MARK3: variants seen among roughly 807,000 people sequenced by gnomAD.
MARK3 encodes the protein microtubule affinity regulating kinase 3.
In MARK3, 46 loss-of-function variants were observed where a neutral mutation model predicts 90.1. The ratio of observed to expected loss-of-function variants is 0.51; its 90% CI spans 0.40 to 0.65. MARK3 has a LOEUF of 0.65. Among genes scored for constraint, MARK3 ranks in the 30% least tolerant of loss-of-function variants. The probability of loss-of-function intolerance (pLI) is 0.00; values close to 1 mark genes in which losing one functional copy is unlikely to be tolerated. For synonymous variants in MARK3, 321 were observed against 332.6 expected (o/e 0.97, Z 0.38); for missense variants, 818 against 947.2 (o/e 0.86, Z 1.79).
At chr14:103,487,935 C>T (rs2141971876) in intron 14 of MARK3, among the ~76,000 whole-genome samples, 1 of 152,044 alleles carries the variant, frequency 6.6e-6, no homozygotes, top group South Asian at 2.1e-4. Context: ...GTAGTCCCAG[C>T]TACTTGGGAG....
At chr14:103,422,432 G>A (rs1479270824) in intron 2 of MARK3, among the ~76,000 whole-genome samples, 3 of 152,156 alleles carry the variant, frequency 2.0e-5, no homozygotes, top group African/African-American at 7.2e-5. Flanking sequence ...TCCAGCCTGG[G>A]CGATAGAGCA....
intron 2 of MARK3, among the ~76,000 whole-genome samples, chr14:103,408,195 G>C (rs548626530): frequency 6.6e-6 from 1 of 151,974 alleles, no homozygotes; most frequent in African/African-American, 2.4e-5. Context: ...TGGCGGGGGG[G>C]AGGTGGTGTT....
At chr14:103,478,722 A>G (rs2093764192) in intron 13 of MARK3, among the ~76,000 whole-genome samples, 1 of 151,972 alleles carries the variant, frequency 6.6e-6, no homozygotes, top group Non-Finnish European at 1.5e-5. Flanking sequence ...TATTTTTAGT[A>G]GAGACGGGGT....
intron 1 of MARK3, among the ~76,000 whole-genome samples, chr14:103,391,303 G>A (rs1280851946): frequency 2.6e-5 from 4 of 152,174 alleles, no homozygotes; most frequent in African/African-American, 7.2e-5. Flanking sequence ...ACTCAACAGC[G>A]CAGCTCAGTG....
chr14:103,478,044 C>T (rs945551078), intron 13 of MARK3, among the ~76,000 whole-genome samples: 8 of 150,362 alleles, frequency 5.3e-5, no homozygotes, highest in Middle Eastern at 3.5e-3. Flanking sequence ...CGCCTGTAAT[C>T]CCAGCACTTT....
At chr14:103,460,589 C>G (rs1473837818) in intron 6 of MARK3, among the ~76,000 whole-genome samples, 3 of 152,122 alleles carry the variant, frequency 2.0e-5, no homozygotes, top group African/African-American at 4.8e-5. Flanking sequence ...ATTGTGGCAT[C>G]AGGTTAGCTT....
At chr14:103,411,785 G>C (rs1447623706) in intron 2 of MARK3, among the ~76,000 whole-genome samples, 1 of 151,928 alleles carries the variant, frequency 6.6e-6, no homozygotes, top group Non-Finnish European at 1.5e-5. Context: ...ACCACGCCCA[G>C]CTAATTTTTG....
chr14:103,435,729 G>A (rs903846657), intron 3 of MARK3, among the ~76,000 whole-genome samples: 1 of 149,388 alleles, frequency 6.7e-6, no homozygotes, highest in African/African-American at 2.5e-5. Context: ...TATTGATTGA[G>A]TGATTGATTG....
intron 1 of MARK3, among the ~76,000 whole-genome samples, chr14:103,399,386 TAAAC>T (rs2090792815): frequency 6.6e-6 from 1 of 152,144 alleles, no homozygotes; most frequent in Admixed American, 6.5e-5. Flanking sequence ...CACAGTGCCC[TAAAC>T]AAATAGGGGG....
Position 103,468,314 on chromosome 14 carries a change from C to CTTCTTTTTTTTT in MARK3, c.1264+130_1264+131insCTTTTTTTTTTT, listed in dbSNP as rs1555395510. On this transcript the variant is annotated intron_variant, in intron 12 of 17. Coordinates refer to ENST00000429436, the MANE Select transcript of MARK3 (RefSeq NM_001128918.3). Reference sequence around the variant, plus strand: ...CTTGGCATTGCTTTCTTTCTTTCTTCTTTTTTTTTTTTTTTTTTTTTTTTT... The same window carrying CTTCTTTTTTTTT: ...CTTGGCATTGCTTTCTTTCTTTCTTCTTCTTTTTTTTTTTTTTTTTTTTTTTTTTTTTTTTTT... 7.9e-5 allele frequency: 9 copies of CTTCTTTTTTTTT among 113,946 alleles called. 2 individuals carry two copies. Among genetic ancestry groups the CTTCTTTTTTTTT allele is most frequent in the Non-Finnish European group, 5.9e-5 (4 of 67,644 alleles). 7.1% of individuals were successfully genotyped at this position (113,946 alleles called of 1,614,324 possible). A position where few individuals can be genotyped will look rare whatever the true frequency, so the allele number is the denominator to read the frequency against.
intron 12 of MARK3, among the ~76,000 whole-genome samples, chr14:103,474,038 A>G (rs1329648168): frequency 7.6e-6 from 1 of 131,908 alleles, no homozygotes; most frequent in African/African-American, 2.8e-5. Context: ...CTACTAAAAA[A>G]AAAAAAATAT....
chr14:103,428,665 C>T (rs2092485773), intron 3 of MARK3, among the ~76,000 whole-genome samples: 1 of 150,790 alleles, frequency 6.6e-6, no homozygotes, highest in African/African-American at 2.4e-5. Context: ...AAAGGCTGTG[C>T]TTTTTTTTTG....
At chr14:103,402,270 T>C (rs1013011209) in intron 1 of MARK3, among the ~76,000 whole-genome samples, 1 of 152,116 alleles carries the variant, frequency 6.6e-6, no homozygotes, top group Non-Finnish European at 1.5e-5. Context: ...AAGATTTTCC[T>C]GGCCGAGCGC....
intron 1 of MARK3, among the ~76,000 whole-genome samples, chr14:103,389,684 C>T (rs548687992): frequency 6.6e-6 from 1 of 151,916 alleles, no homozygotes; most frequent in Admixed American, 6.6e-5. Flanking sequence ...TGGCTCACGC[C>T]TGTAATCCCA....
At chr14:103,420,350 C>G (rs960442782) in intron 2 of MARK3, among the ~76,000 whole-genome samples, 3 of 152,098 alleles carry the variant, frequency 2.0e-5, no homozygotes, top group Non-Finnish European at 4.4e-5. Context: ...CCACCTCAGC[C>G]TCCTGAGTAG....
intron 3 of MARK3, among the ~76,000 whole-genome samples, chr14:103,434,500 A>C (rs761925385): frequency 2.6e-5 from 4 of 152,216 alleles, no homozygotes; most frequent in Non-Finnish European, 5.9e-5. Flanking sequence ...ATTGTTATGA[A>C]GTCTTGTTAT....
chr14:103,473,893 C>A (rs900007836), intron 12 of MARK3, among the ~76,000 whole-genome samples: 1 of 151,984 alleles, frequency 6.6e-6, no homozygotes, highest in Non-Finnish European at 1.5e-5. Flanking sequence ...AATATAAATT[C>A]TCTTCTGCCT....
At chr14:103,454,784 C>G (rs2093238244) in intron 5 of MARK3, among the ~76,000 whole-genome samples, 1 of 152,192 alleles carries the variant, frequency 6.6e-6, no homozygotes. Context: ...GAAACTGAAG[C>G]TCAGAAAGTT....
At position 103,503,216 on chromosome 14, in the gene MARK3, C is replaced by T. The variant is rs1337141461; in HGVS notation, c.2251C>T (p.Leu751=). 6.2e-7 allele frequency: 1 copy of T among 1,609,220 alleles called. No individual in the cohort carries two copies. The highest frequency in any genetic ancestry group is 2.2e-5 in the East Asian group (1 of 44,790). Residue 751 remains leucine (L), a synonymous_variant, in exon 18 of 18, where the codon CTA becomes TTA. Transcript: ENST00000429436. ...KNIASKIANE[L]KL ...TATTGCTTCCAAAATTGCCAATGAG[C>T]TAAAGCTGTAACCCAGTGATTATGA... is the stretch of plus-strand genomic sequence containing the variant.
Sources: allele counts gnomAD v4.1 joint callset (sites outside exome capture counted in the v4.1 genomes callset), GRCh38; gene constraint gnomAD v4.1.1; transcripts MANE v1.5; gene names NCBI Gene and HGNC (gene_info 2026-07-23, HGNC 2026-07-21).